Variants in SLC35B3 observed in about 807,000 individuals in gnomAD.
SLC35B3 encodes the protein adenosine 3'-phospho 5'-phosphosulfate transporter 2.
SLC35B3 carries 35 observed loss-of-function variants against 44.1 expected under a neutral mutation model. The ratio of observed to expected loss-of-function variants is 0.79; its 90% CI spans 0.61 to 1.05. The LOEUF is 1.05. SLC35B3 is among the 50% of genes least tolerant of loss of function. SLC35B3 has a pLI of 0.00. For synonymous variants in SLC35B3, 146 were observed against 167.3 expected, an observed-to-expected ratio of 0.87 and a Z score of 0.98; for missense variants, 414 against 476.4, an observed-to-expected ratio of 0.87 and a Z score of 1.22.
chr6:8,417,606 A>C (rs896855275), intron 7 of SLC35B3, 112 bp from the exon 7 acceptor site: 2 of 576,572 alleles, frequency 3.5e-6, no homozygotes, highest in African/African-American at 3.9e-5. Context: ...TTTTAAAAGA[A>C]ACATTATAAT....
chr6:8,420,943 G>A lies in SLC35B3; in HGVS notation c.575-115C>T, dbSNP rs1357145606. 3.1e-5 allele frequency: 21 copies of A among 686,418 alleles called. No homozygotes were observed. Among genetic ancestry groups the A allele is most frequent in the Admixed American group, 5.9e-5 (2 of 34,116 alleles). The allele number at this position is 686,418 out of a possible 1,614,324, so 42.5% of individuals were successfully genotyped here. A position where few individuals can be genotyped will look rare whatever the true frequency, so the allele number is the denominator to read the frequency against. On this transcript the variant is annotated intron_variant, in intron 5 of 10. Transcript: ENST00000644923. The surrounding 1 kb of genome is among the most constrained non-coding windows in gnomAD (Gnocchi z 4.4). The stretch of plus-strand genomic sequence containing the variant: ...TTTTTTTATATCCAATGCCAAAAAC[G>A]TGAACACTTAGGTCAAGGCAGAAGA...
rs188288471 is a variant in SLC35B3, at chr6:8,429,447, G to A, written c.297+417C>T. Among the ~76,000 whole-genome samples, 43 of 152,158 alleles carry A rather than the reference G, an allele frequency of 2.8e-4. 1 individual carries two copies. The East Asian group carries it at 8.1e-3, about 29-fold the overall frequency. On this transcript the variant is annotated intron_variant, in intron 3 of 10. Coordinates refer to ENST00000644923, the MANE Select transcript of SLC35B3 (RefSeq NM_001370476.2). ...AATTCAAATATTATAGGATTAAAGA[G>A]ATACCTTTAGAAAACCATAAAATAT...
chr6:8,413,297 A>C lies in SLC35B3; in HGVS notation c.*252T>G, dbSNP rs1762122527. The C allele has an allele frequency of 5.9e-6, 2 of 339,600 alleles. No homozygotes were observed. The highest frequency in any genetic ancestry group is 4.3e-5 in the African/African-American group (2 of 46,360). The allele number at this position is 339,600 out of a possible 1,614,324, so 21.0% of individuals were successfully genotyped here. ...CCAGTGAAATTCTCAATAAACTGCT[A>C]GGAATTACAGTCCTTCATATTGACA... On this transcript the variant is annotated 3_prime_UTR_variant, in exon 11 of 11. Transcript: ENST00000644923.
chr6:8,422,253 T>C (rs1450318067), intron 5 of SLC35B3, among the ~76,000 whole-genome samples: 1 of 152,180 alleles, frequency 6.6e-6, no homozygotes, highest in South Asian at 2.1e-4. Context: ...TCTGCCCACC[T>C]TGGCATCCCA....
intron 7 of SLC35B3, among the ~76,000 whole-genome samples, chr6:8,418,055 C>G (rs1325752840): frequency 1.3e-5 from 2 of 152,024 alleles, no homozygotes; most frequent in Non-Finnish European, 2.9e-5. Context: ...ACGGATTATT[C>G]CATTTACTTC....
chr6:8,411,760 GAT>G lies in SLC35B3; in HGVS notation c.*1787_*1788del, dbSNP rs774356190. ...GAATACAATGGAATTTTAAGAATGA[GAT>G]TAACTATTCCAAGTATATTATACTC... On this transcript the variant is annotated 3_prime_UTR_variant, in exon 11 of 11. Transcript: ENST00000644923. Among the ~76,000 whole-genome samples, 17 of 152,098 alleles carry G rather than the reference GAT, an allele frequency of 1.1e-4. No individual in the cohort carries two copies. Among genetic ancestry groups the G allele is most frequent in the Non-Finnish European group, 2.2e-4 (15 of 68,016 alleles).
intron 4 of SLC35B3, among the ~76,000 whole-genome samples, chr6:8,426,064 G>A (rs1200293370): frequency 2.0e-5 from 3 of 152,136 alleles, no homozygotes; most frequent in Non-Finnish European, 4.4e-5. Flanking sequence ...CTCAGCTATC[G>A]GACATCATAT....
rs1450179288 is a variant in SLC35B3 at position 8,432,996 on chromosome 6, T to C, written c.3+1389A>G. ...AAAACAAATCTACTGTTTGTTCCTA[T>C]ATTCCCAATCTCACTTAACAGTACC... On this transcript the variant is annotated intron_variant, in intron 2 of 10. Transcript: ENST00000644923. The surrounding 1 kb of genome is among the most constrained non-coding windows in gnomAD (Gnocchi z 4.8). Among the ~76,000 whole-genome samples, 1 of 152,198 alleles carries C rather than the reference T, an allele frequency of 6.6e-6. No individual in the cohort carries two copies. Among genetic ancestry groups the C allele is most frequent in the African/African-American group, 2.4e-5 (1 of 41,450 alleles).
Position 8,422,585 on chromosome 6 carries a change from A to T in SLC35B3, c.459T>A (p.Thr153=), listed in dbSNP as rs773917543. 1.4e-5 allele frequency: 22 copies of T among 1,612,726 alleles called. No individual in the cohort carries two copies. The highest frequency in any genetic ancestry group is 1.7e-4 in the Middle Eastern group (1 of 6,058). ...TGTTTGATAACCCCATAGTACCCAC[A>T]GTTAGAAAAGCTATTATCATGTAGG... The change falls in exon 5 of 11, where the codon ACT becomes ACA. Residue 153 remains threonine (T), a synonymous_variant. Transcript: ENST00000644923.
intron 7 of SLC35B3, among the ~76,000 whole-genome samples, chr6:8,418,631 A>C (rs1762630409): frequency 6.6e-6 from 1 of 151,998 alleles, no homozygotes; most frequent in Non-Finnish European, 1.5e-5. Context: ...TAACTTTAAT[A>C]AGTTATTATT....
chr6:8,413,310 C>T lies in SLC35B3; in HGVS notation c.*239G>A, dbSNP rs2113211397. On this transcript the variant is annotated 3_prime_UTR_variant, in exon 11 of 11. Transcript: ENST00000644923. ...CAATAAACTGCTAGGAATTACAGTC[C>T]TTCATATTGACATTTTATTGTAAAG... The T allele has an allele frequency of 2.6e-6, 1 of 387,464 alleles. No individual in the cohort carries two copies. The allele number at this position is 387,464 out of a possible 1,614,324, so 24.0% of individuals were successfully genotyped here.
chr6:8,428,185 TAG>T lies in SLC35B3; in HGVS notation c.298-129_298-128del, dbSNP rs530668729. ...CCTCCAACAACAACAAAATGTAAAT[TAG>T]AGAGGTTAGAAGCTCTTTCATATTG... On this transcript the variant is annotated intron_variant, in intron 3 of 10. Coordinates refer to ENST00000644923, the MANE Select transcript of SLC35B3 (RefSeq NM_001370476.2). 9.0e-4 allele frequency: 755 copies of T among 837,226 alleles called. 2 individuals carry two copies. The African/African-American group carries it at 0.01, about 12-fold the overall frequency. The allele number at this position is 837,226 out of a possible 1,614,324, so 51.9% of individuals were successfully genotyped here. A position where few individuals can be genotyped will look rare whatever the true frequency, so the allele number is the denominator to read the frequency against.
intron 5 of SLC35B3, among the ~76,000 whole-genome samples, chr6:8,421,988 A>G (rs1038120349): frequency 1.1e-4 from 16 of 141,546 alleles, no homozygotes; most frequent in African/African-American, 3.0e-4. Flanking sequence ...ACTAAGGCAT[A>G]TAAGTGTTTG....
chr6:8,431,454 A>G (rs1763975751), intron 2 of SLC35B3, among the ~76,000 whole-genome samples: 1 of 152,172 alleles, frequency 6.6e-6, no homozygotes, highest in Non-Finnish European at 1.5e-5. Context: ...TAACCAGGTC[A>G]TCCTTAGGAA....
chr6:8,435,542 A>C lies in SLC35B3; in HGVS notation c.-243T>G, dbSNP rs1162557807. 3 of 436,600 alleles carry C rather than the reference A, an allele frequency of 6.9e-6. No individual in the cohort carries two copies. Among genetic ancestry groups the C allele is most frequent in the African/African-American group, 6.2e-5 (3 of 48,446 alleles). The allele number at this position is 436,600 out of a possible 1,614,324, so 27.0% of individuals were successfully genotyped here. A position where few individuals can be genotyped will look rare whatever the true frequency, so the allele number is the denominator to read the frequency against. The stretch of plus-strand genomic sequence containing the variant: ...CGGCGCCCGCAGGCCACTTCCGCCT[A>C]TGTGTCCCTGCGCGCGTGCGCAGAC... On this transcript the variant is annotated 5_prime_UTR_variant, in exon 1 of 11. Transcript: ENST00000644923. The surrounding 1 kb of genome is among the most constrained non-coding windows in gnomAD (Gnocchi z 5.5).
chr6:8,422,695 A>G, intron 4 of SLC35B3, 71 bp from the exon 4 acceptor site: 1 of 1,183,964 alleles, frequency 8.4e-7, no homozygotes, highest in Non-Finnish European at 1.2e-6. Context: ...ATGTGTTCAC[A>G]TTGTGTAAAT....
intron 4 of SLC35B3, among the ~76,000 whole-genome samples, chr6:8,427,208 G>GCAGA (rs1763502243): frequency 6.6e-6 from 1 of 152,210 alleles, no homozygotes. Context: ...CAAGCTGGGT[G>GCAGA]CAGAAATTTG....
intron 3 of SLC35B3, chr6:8,429,655 T>C (rs1178540360): frequency 7.7e-6 from 3 of 389,852 alleles, no homozygotes; most frequent in African/African-American, 6.2e-5. Flanking sequence ...TTCAAGATAG[T>C]CTCTACATAT....
At chr6:8,431,786 A>G (rs1445914125) in intron 2 of SLC35B3, among the ~76,000 whole-genome samples, 1 of 152,132 alleles carries the variant, frequency 6.6e-6, no homozygotes, top group Non-Finnish European at 1.5e-5. Context: ...AACCTTAACA[A>G]TTTACTCTTT....
Sources: allele counts gnomAD v4.1 joint callset (sites outside exome capture counted in the v4.1 genomes callset), GRCh38; gene constraint gnomAD v4.1.1; non-coding constraint Gnocchi (gnomAD v3.1); transcripts MANE v1.5; gene names NCBI Gene and HGNC (gene_info 2026-07-23, HGNC 2026-07-21).